The following RNGTT variants were observed in gnomAD, a reference collection of about 807,000 sequenced individuals.
The protein encoded by RNGTT is RNA guanylyltransferase and 5'-phosphatase, also known as mRNA-capping enzyme.
RNGTT carries 33 observed loss-of-function variants against 79.3 expected under a neutral mutation model. The observed-to-expected ratio is 0.42, with a 90% CI of 0.32 to 0.56. The LOEUF is 0.56. RNGTT is among the 20% of genes least tolerant of loss of function. The pLI, the probability that RNGTT is intolerant of heterozygous loss-of-function variation, is 0.17. For missense variants in RNGTT, 497 were observed against 739.1 expected, an observed-to-expected ratio of 0.67 and a Z score of 3.80; for synonymous variants, 222 against 235.9, an observed-to-expected ratio of 0.94 and a Z score of 0.54.
intron 4 of RNGTT, among the ~76,000 whole-genome samples, chr6:88,908,027 C>A (rs528731475): frequency 7.2e-5 from 11 of 152,254 alleles, no homozygotes; most frequent in Admixed American, 6.5e-4. Flanking sequence ...AGCCACAATG[C>A]CCAGCCTGTA....
At chr6:88,645,033 T>A (rs1189047927) in intron 14 of RNGTT, among the ~76,000 whole-genome samples, 1 of 152,106 alleles carries the variant, frequency 6.6e-6, no homozygotes, top group African/African-American at 2.4e-5. Flanking sequence ...AAATAAAGGG[T>A]ATTCAATTAG....
At chr6:88,824,763 T>C (rs940299289) in intron 11 of RNGTT, among the ~76,000 whole-genome samples, 1 of 151,312 alleles carries the variant, frequency 6.6e-6, no homozygotes, top group Non-Finnish European at 1.5e-5. Context: ...TTTTTTTTTT[T>C]TTCTTTTTGG....
intron 1 of RNGTT, among the ~76,000 whole-genome samples, chr6:88,951,479 T>C (rs1785246529): frequency 6.6e-6 from 1 of 152,178 alleles, no homozygotes; most frequent in Non-Finnish European, 1.5e-5. Context: ...TCAATCTATG[T>C]AGCAAACTTC....
intron 14 of RNGTT, among the ~76,000 whole-genome samples, chr6:88,630,842 A>C (rs1362244532): frequency 1.3e-5 from 2 of 152,140 alleles, no homozygotes; most frequent in Non-Finnish European, 2.9e-5. Flanking sequence ...TAGAAATCAA[A>C]ACCCAACAAT....
chr6:88,779,203 G>A (rs765354802), intron 12 of RNGTT, among the ~76,000 whole-genome samples: 1 of 152,186 alleles, frequency 6.6e-6, no homozygotes, highest in Non-Finnish European at 1.5e-5. Flanking sequence ...AAGAAAAAGA[G>A]TAAGTTTGTG....
chr6:88,771,075 C>A lies in RNGTT; in HGVS notation c.1339-1201G>T, dbSNP rs193016468. Among the ~76,000 whole-genome samples, 39 of 151,608 alleles carry A rather than the reference C, an allele frequency of 2.6e-4. 1 individual carries two copies. The highest frequency in any genetic ancestry group is 3.4e-3 in the Middle Eastern group (1 of 294). On this transcript the variant is annotated intron_variant, in intron 12 of 15. Coordinates refer to ENST00000369485, the MANE Select transcript of RNGTT (RefSeq NM_003800.5). Reference sequence around the variant, plus strand: ...GGCTTTTTCATTTTCTAAATAATTTCTTTTGAAGACCAAAGTTCTTTATTT... The same window carrying A: ...GGCTTTTTCATTTTCTAAATAATTTATTTTGAAGACCAAAGTTCTTTATTT...
intron 8 of RNGTT, among the ~76,000 whole-genome samples, chr6:88,859,262 C>T (rs879717359): frequency 2.6e-5 from 4 of 150,974 alleles, no homozygotes. Context: ...CAAACAGAAA[C>T]CATAATGCAG....
At chr6:88,779,651 T>C (rs536310062) in intron 12 of RNGTT, among the ~76,000 whole-genome samples, 154 of 152,248 alleles carry the variant, frequency 1.0e-3, no homozygotes, top group African/African-American at 3.4e-3. Context: ...AGACTTGATA[T>C]TATTAGGAAT....
chr6:88,628,766 C>T (rs1188584388), intron 14 of RNGTT, among the ~76,000 whole-genome samples: 1 of 152,128 alleles, frequency 6.6e-6, no homozygotes, highest in Non-Finnish European at 1.5e-5. Flanking sequence ...TAGAGCTCTA[C>T]ATCGCACTAC....
chr6:88,954,197 T>C (rs1407965051), intron 1 of RNGTT, among the ~76,000 whole-genome samples: 1 of 152,164 alleles, frequency 6.6e-6, no homozygotes, highest in East Asian at 1.9e-4. Context: ...AATGGCAGAA[T>C]GGATAACAAC....
At position 88,904,744 on chromosome 6, in the gene RNGTT, C is replaced by T. The variant is rs1783592210; in HGVS notation, c.655G>A (p.Gly219Ser). ...ESEPGSSASF[G>S]KRRKERLKLG... ...TTTAACCGTTCTTTTCTCCTTTTGC[C>T]AAAAGAAGCACTTGACCCGGGTTCT... Residue 219 changes from glycine (G) to serine (S), a missense_variant, in exon 6 of 16, where the codon GGC (glycine) becomes AGC (serine). This residue lies in a region of RNGTT where 440 missense variants were observed against 671.5 expected (regional missense o/e 0.66). Coordinates refer to ENST00000369485, the MANE Select transcript of RNGTT (RefSeq NM_003800.5). The T allele has an allele frequency of 1.2e-6, 2 of 1,613,634 alleles. No individual in the cohort carries two copies. The highest frequency in any genetic ancestry group is 1.7e-6 in the Non-Finnish European group (2 of 1,179,880).
intron 14 of RNGTT, among the ~76,000 whole-genome samples, chr6:88,658,487 G>A (rs560901402): frequency 4.6e-5 from 7 of 152,338 alleles, no homozygotes; most frequent in African/African-American, 1.7e-4. Context: ...GCTAGACCTA[G>A]AAGGGCAATA....
rs192949608 is a variant in RNGTT at position 88,703,524 on chromosome 6, C to T, written c.1440-25105G>A. 2.0e-3 allele frequency among the ~76,000 whole-genome samples: 307 copies of T among 152,074 alleles called. 4 individuals are homozygous for T. The highest frequency in any genetic ancestry group is 7.1e-3 in the African/African-American group (295 of 41,464). The stretch of plus-strand genomic sequence containing the variant: ...ACATAAAGATGGCAACAACAGACAA[C>T]GGGGACTACTAAAGGAAGGAGGAAG... On this transcript the variant is annotated intron_variant, in intron 13 of 15. Transcript: ENST00000369485.
In RNGTT at chr6:88,891,816, C is replaced by G; in HGVS notation, c.784G>C (p.Gly262Arg). 6.4e-7 allele frequency: 1 copy of G among 1,568,518 alleles called. No homozygotes were observed. The highest frequency in any genetic ancestry group is 2.3e-5 in the East Asian group (1 of 43,284). ...EVQQKCHQFC[G>R]WEGSGFPGAQ... The stretch of plus-strand genomic sequence containing the variant: ...AAAAATATTTATTACCCTTCCCAGC[C>G]ACAGAATTGATGACACTTCTGCTGT... Residue 262 changes from glycine (G) to arginine (R), a missense_variant, in exon 7 of 16, where the codon GGC becomes CGC. Coordinates refer to ENST00000369485, the MANE Select transcript of RNGTT (RefSeq NM_003800.5).
chr6:88,795,532 TG>T (rs1157668006), intron 12 of RNGTT, among the ~76,000 whole-genome samples: 2 of 151,730 alleles, frequency 1.3e-5, no homozygotes, highest in East Asian at 3.9e-4. Context: ...GGGCATGTTG[TG>T]GGGGGTTGGG....
intron 14 of RNGTT, among the ~76,000 whole-genome samples, chr6:88,639,234 C>T (rs1283924273): frequency 2.0e-5 from 3 of 151,896 alleles, no homozygotes; most frequent in Admixed American, 6.6e-5. Context: ...TAAGCAGTTA[C>T]GAGGCTTTTA....
At chr6:88,885,523 C>T (rs1782828175) in intron 8 of RNGTT, among the ~76,000 whole-genome samples, 1 of 152,294 alleles carries the variant, frequency 6.6e-6, no homozygotes, top group South Asian at 2.1e-4. Flanking sequence ...AGGGAAAGTT[C>T]TTCCTAAGAG....
At chr6:88,733,526 G>C (rs1777185216) in intron 13 of RNGTT, among the ~76,000 whole-genome samples, 1 of 151,650 alleles carries the variant, frequency 6.6e-6, no homozygotes, top group Non-Finnish European at 1.5e-5. Flanking sequence ...ATAAATATAA[G>C]TAATAATGGC....
intron 13 of RNGTT, among the ~76,000 whole-genome samples, chr6:88,731,420 C>A (rs1777111635): frequency 6.6e-6 from 1 of 152,046 alleles, no homozygotes; most frequent in Non-Finnish European, 1.5e-5. Context: ...AAAGCAAACA[C>A]CTGAACCAGA....
Sources: gnomAD v4.1 joint callset for allele counts (sites outside exome capture counted in the v4.1 genomes callset) on GRCh38, gnomAD v4.1.1 for gene constraint, gnomAD v4.1.1 regional missense constraint, MANE v1.5 for transcripts, NCBI Gene and HGNC (gene_info 2026-07-23, HGNC 2026-07-21) for gene names.